ABHD18: variants seen among roughly 807,000 people sequenced by gnomAD.
The protein encoded by ABHD18 is cardiolipin-specific deacylase, mitochondrial.
A neutral mutation model predicts 65.9 loss-of-function variants in ABHD18; 55 were observed. The observed-to-expected ratio is 0.84, with a 90% CI of 0.67 to 1.05. The LOEUF (loss-of-function observed/expected upper bound fraction) is 1.05, where lower values mean the gene tolerates loss of function less well. ABHD18 is among the 50% of genes least tolerant of loss of function. ABHD18 has a pLI of 0.00. For missense variants in ABHD18, 533 were observed against 558.5 expected, an observed-to-expected ratio of 0.95 and a Z score of 0.46; for synonymous variants, 181 against 180.2, an observed-to-expected ratio of 1.00 and a Z score of -0.04.
chr4:127,995,356 C>T lies in ABHD18; in HGVS notation c.278+5535C>T, dbSNP rs57914649. ...CAGGCATTACTTTTATGCCATATTCCAAATTGAACCAAAGAAATAAGATAT... is the reference window on the plus strand; with the variant it reads ...CAGGCATTACTTTTATGCCATATTCTAAATTGAACCAAAGAAATAAGATAT... On this transcript the variant is annotated intron_variant, in intron 4 of 12. Coordinates refer to ENST00000645843, the MANE Select transcript of ABHD18 (RefSeq NM_001358451.3). 3.5e-3 allele frequency among the ~76,000 whole-genome samples: 531 copies of T among 152,210 alleles called. 1 individual carries two copies. The highest frequency in any genetic ancestry group is 0.012 in the African/African-American group (497 of 41,522).
intron 12 of ABHD18, chr4:128,031,245 G>A (rs1025591909): frequency 9.7e-6 from 4 of 411,728 alleles, no homozygotes; most frequent in Non-Finnish European, 1.3e-5. Context: ...ACGAGGTCAG[G>A]AGATCAAGGC....
chr4:127,984,820 T>C (rs1342240673), intron 3 of ABHD18, among the ~76,000 whole-genome samples: 1 of 152,186 alleles, frequency 6.6e-6, no homozygotes, highest in Admixed American at 6.5e-5. Flanking sequence ...AGATCACGCC[T>C]TTGCATTCCA....
At chr4:128,025,856 T>G (rs36078625) in intron 10 of ABHD18, among the ~76,000 whole-genome samples, 52,913 of 152,096 alleles carry the variant, frequency 0.35, 10,295 homozygotes, top group Middle Eastern at 0.46. Context: ...AGCAAGTTTT[T>G]ATAAGTTTAA....
At chr4:128,024,265 C>T (rs1045038954) in intron 10 of ABHD18, among the ~76,000 whole-genome samples, 2 of 152,120 alleles carry the variant, frequency 1.3e-5, no homozygotes, top group African/African-American at 2.4e-5. Context: ...ATTCTTTTAT[C>T]AGGAATCCAT....
chr4:127,994,868 A>G (rs1397040497), intron 4 of ABHD18, among the ~76,000 whole-genome samples: 2 of 152,040 alleles, frequency 1.3e-5, no homozygotes, highest in African/African-American at 4.8e-5. Flanking sequence ...CACTCATTTT[A>G]TGTATGTATT....
rs564665534 is a variant in ABHD18, at chr4:127,997,884, TTTTG to T, written c.278+8075_278+8078del. 1.4e-4 allele frequency among the ~76,000 whole-genome samples: 22 copies of T among 151,808 alleles called. 1 individual carries two copies. Among genetic ancestry groups the T allele is most frequent in the East Asian group, 7.7e-4 (4 of 5,180 alleles). The stretch of plus-strand genomic sequence containing the variant: ...TTTTCCTCTCCTCCTCCTCGTTTTT[TTTTG>T]TTTGTTTGTTTTTTGTTTTTTGACA... On this transcript the variant is annotated intron_variant, in intron 4 of 12. Coordinates refer to ENST00000645843, the MANE Select transcript of ABHD18 (RefSeq NM_001358451.3).
At chr4:128,034,583 C>CT (rs1758657791) in intron 12 of ABHD18, among the ~76,000 whole-genome samples, 1 of 149,938 alleles carries the variant, frequency 6.7e-6, no homozygotes, top group Non-Finnish European at 1.5e-5. Context: ...GATCTTGTCT[C>CT]TAAAAAAAAA....
intron 4 of ABHD18, among the ~76,000 whole-genome samples, chr4:128,004,120 C>T (rs1007763755): frequency 2.0e-5 from 3 of 151,814 alleles, no homozygotes; most frequent in East Asian, 1.9e-4. Context: ...TCTATTTGTT[C>T]GTCTCTACTT....
At chr4:127,980,892 T>C (rs916322695) in intron 1 of ABHD18, among the ~76,000 whole-genome samples, 10 of 152,028 alleles carry the variant, frequency 6.6e-5, no homozygotes, top group Non-Finnish European at 8.8e-5. Context: ...TATACATACC[T>C]TCATATTGTT....
chr4:127,978,203 G>T (rs1748329906), intron 1 of ABHD18, among the ~76,000 whole-genome samples: 1 of 152,042 alleles, frequency 6.6e-6, no homozygotes, highest in Non-Finnish European at 1.5e-5. Flanking sequence ...AAGACTTCTA[G>T]ATTTTTATTT....
chr4:128,027,272 A>G lies in ABHD18; in HGVS notation c.802-1203A>G, dbSNP rs577082900. On this transcript the variant is annotated intron_variant, in intron 10 of 12. Transcript: ENST00000645843. ...AATACATTGTGATGTTCACACAACA[A>G]TGAAACCACCTAGTGATGCATTTCT... Among the ~76,000 whole-genome samples, 17 of 152,334 alleles carry G rather than the reference A, an allele frequency of 1.1e-4. No homozygotes were observed. The South Asian group carries it at 3.5e-3, about 32-fold the overall frequency.
chr4:128,003,805 T>C (rs1244952034), intron 4 of ABHD18, among the ~76,000 whole-genome samples: 1 of 151,676 alleles, frequency 6.6e-6, no homozygotes, highest in African/African-American at 2.4e-5. Flanking sequence ...AATAGCCTGG[T>C]GTGGTGGTAC....
chr4:128,031,269 A>C, intron 12 of ABHD18: 3 of 224,116 alleles, frequency 1.3e-5, no homozygotes, highest in Non-Finnish European at 2.2e-5. Context: ...CCTGGCTAAC[A>C]CGGTGAAACC....
chr4:127,973,678 C>T (rs1747289781), intron 1 of ABHD18, among the ~76,000 whole-genome samples: 3 of 152,080 alleles, frequency 2.0e-5, no homozygotes, highest in Admixed American at 2.0e-4. Flanking sequence ...AAAGGTATGG[C>T]TCCTGTGGCT....
At chr4:127,972,894 C>A (rs77716656) in intron 1 of ABHD18, among the ~76,000 whole-genome samples, 2,187 of 152,152 alleles carry the variant, frequency 0.014, 62 homozygotes, top group African/African-American at 0.05. Flanking sequence ...TTCTAAGAGG[C>A]AAGTGTTTTT....
At chr4:128,001,911 A>C (rs1752706067) in intron 4 of ABHD18, among the ~76,000 whole-genome samples, 1 of 151,440 alleles carries the variant, frequency 6.6e-6, no homozygotes, top group African/African-American at 2.4e-5. Flanking sequence ...AAAACAGATA[A>C]ATTTTCATCT....
chr4:127,967,213 A>G (rs2149026553), intron 1 of ABHD18, among the ~76,000 whole-genome samples: 1 of 151,974 alleles, frequency 6.6e-6, no homozygotes, highest in Admixed American at 6.6e-5. Context: ...ATGAATGCTC[A>G]TTGAATTACT....
intron 1 of ABHD18, among the ~76,000 whole-genome samples, chr4:127,978,931 G>GT (rs1221299132): frequency 1.3e-5 from 2 of 152,138 alleles, no homozygotes; most frequent in South Asian, 2.1e-4. Context: ...TTGAACCACT[G>GT]TAAGTCTAAA....
chr4:127,982,872 A>G (rs1474216773), intron 1 of ABHD18, 67 bp from the exon 2 acceptor site: 1 of 776,592 alleles, frequency 1.3e-6, no homozygotes, highest in African/African-American at 1.8e-5. Flanking sequence ...AGAAATGGTT[A>G]GAAAATTGAC....
Sources: allele counts gnomAD v4.1 joint callset (sites outside exome capture counted in the v4.1 genomes callset), GRCh38; gene constraint gnomAD v4.1.1; transcripts MANE v1.5; gene names NCBI Gene and HGNC (gene_info 2026-07-23, HGNC 2026-07-21).